NMNAT2: variants seen among roughly 807,000 people sequenced by gnomAD.
NMNAT2 encodes the protein nicotinamide/nicotinic acid mononucleotide adenylyltransferase 2.
In NMNAT2, 11 loss-of-function variants were observed where a neutral mutation model predicts 41.6. The ratio of observed to expected loss-of-function variants is 0.26; its 90% CI spans 0.17 to 0.44. The LOEUF (loss-of-function observed/expected upper bound fraction) is 0.44, where lower values mean the gene tolerates loss of function less well. NMNAT2 is among the 20% of genes least tolerant of loss of function. The pLI is 1.00. For synonymous variants in NMNAT2, 148 were observed against 151.2 expected, an observed-to-expected ratio of 0.98 and a Z score of 0.16; for missense variants, 288 against 407.7, an observed-to-expected ratio of 0.71 and a Z score of 2.53.
At chr1:183,385,366 G>A (rs776757492) in intron 1 of NMNAT2, among the ~76,000 whole-genome samples, 1 of 152,104 alleles carries the variant, frequency 6.6e-6, no homozygotes, top group Non-Finnish European at 1.5e-5. Flanking sequence ...AGAAATTTCT[G>A]GAAAAATATT....
intron 10 of NMNAT2, among the ~76,000 whole-genome samples, chr1:183,255,463 T>C (rs1305152545): frequency 7.9e-5 from 12 of 152,178 alleles, no homozygotes; most frequent in Admixed American, 7.9e-4. Flanking sequence ...AATGCTGCCA[T>C]TGGGATTTTG....
chr1:183,367,114 T>G (rs995731550), intron 1 of NMNAT2, among the ~76,000 whole-genome samples: 1 of 152,232 alleles, frequency 6.6e-6, no homozygotes, highest in Non-Finnish European at 1.5e-5. Context: ...TTTTCATATT[T>G]CCACATCCTA....
intron 8 of NMNAT2, among the ~76,000 whole-genome samples, chr1:183,277,285 C>T (rs1440351853): frequency 1.3e-5 from 2 of 152,024 alleles, no homozygotes; most frequent in Non-Finnish European, 2.9e-5. Flanking sequence ...GGGTTCGAGA[C>T]CAGCCTGGTC....
chr1:183,263,664 C>T (rs1157365399), intron 8 of NMNAT2, among the ~76,000 whole-genome samples: 1 of 152,100 alleles, frequency 6.6e-6, no homozygotes, highest in Admixed American at 6.6e-5. Context: ...AAAAATTAGC[C>T]GGGCGTGGTG....
intron 1 of NMNAT2, among the ~76,000 whole-genome samples, chr1:183,406,448 G>A (rs139223627): frequency 1.2e-3 from 190 of 152,250 alleles, no homozygotes; most frequent in African/African-American, 4.4e-3. Context: ...CTGTCAGCTC[G>A]ATAGAAAGGA....
At chr1:183,329,315 G>C (rs1662531125) in intron 1 of NMNAT2, among the ~76,000 whole-genome samples, 2 of 152,134 alleles carry the variant, frequency 1.3e-5, no homozygotes, top group African/African-American at 4.8e-5. Context: ...TTTCAGAAAT[G>C]CTCAGCATGA....
rs983420727 is a variant in NMNAT2, at chr1:183,360,735, G to A, written c.85+57448C>T. 3.9e-5 allele frequency among the ~76,000 whole-genome samples: 6 copies of A among 152,260 alleles called. No individual in the cohort carries two copies. The East Asian group carries it at 1.2e-3, about 29-fold the overall frequency. ...GTGTGCCTCTCACTGCAAAGACTCC[G>A]GACCGGAGGTTGCATATAGTAGGCT... On this transcript the variant is annotated intron_variant, in intron 1 of 10. Coordinates refer to ENST00000287713, the MANE Select transcript of NMNAT2 (RefSeq NM_015039.4).
intron 8 of NMNAT2, among the ~76,000 whole-genome samples, chr1:183,265,867 T>C (rs1326270067): frequency 2.0e-5 from 3 of 152,226 alleles, no homozygotes; most frequent in Non-Finnish European, 4.4e-5. Context: ...TCCTGGGTTA[T>C]CTGGGCAGGC....
intron 4 of NMNAT2, among the ~76,000 whole-genome samples, chr1:183,287,692 G>A (rs560402520): frequency 2.0e-4 from 31 of 152,144 alleles, no homozygotes; most frequent in Non-Finnish European, 2.9e-5. Flanking sequence ...AGGTTCACAG[G>A]GGCCACTGCT....
At chr1:183,291,459 G>A (rs545107667) in intron 3 of NMNAT2, among the ~76,000 whole-genome samples, 1 of 152,138 alleles carries the variant, frequency 6.6e-6, no homozygotes, top group Non-Finnish European at 1.5e-5. Context: ...GGATCCCAGT[G>A]TCAGGCGCCC....
intron 1 of NMNAT2, among the ~76,000 whole-genome samples, chr1:183,358,219 A>C (rs999840050): frequency 6.6e-6 from 1 of 152,174 alleles, no homozygotes; most frequent in Admixed American, 6.5e-5. Flanking sequence ...GCTAAATTAT[A>C]AGAATGCATG....
Position 183,362,865 on chromosome 1 carries a change from A to G in NMNAT2, c.85+55318T>C, listed in dbSNP as rs190783085. On this transcript the variant is annotated intron_variant, in intron 1 of 10. Coordinates refer to ENST00000287713, the MANE Select transcript of NMNAT2 (RefSeq NM_015039.4). ...GATTATTTTCCAAGGCAGCTGTACC[A>G]TTTTATATTCCAATCAACAATTGTA... 3.1e-3 allele frequency among the ~76,000 whole-genome samples: 466 copies of G among 152,282 alleles called. 11 individuals are homozygous for G. The highest frequency in any genetic ancestry group is 0.028 in the Admixed American group (423 of 15,292).
chr1:183,388,531 C>A (rs1051648821), intron 1 of NMNAT2, among the ~76,000 whole-genome samples: 1 of 152,198 alleles, frequency 6.6e-6, no homozygotes, highest in South Asian at 2.1e-4. Context: ...GTTCAGTTCA[C>A]CTGCTACAAT....
At chr1:183,355,013 C>A (rs1663151428) in intron 1 of NMNAT2, among the ~76,000 whole-genome samples, 1 of 152,186 alleles carries the variant, frequency 6.6e-6, no homozygotes, top group South Asian at 2.1e-4. Context: ...TTGGGTTAGA[C>A]CCATGGTCCT....
chr1:183,329,990 C>A (rs1483465645), intron 1 of NMNAT2, among the ~76,000 whole-genome samples: 2 of 152,182 alleles, frequency 1.3e-5, no homozygotes, highest in East Asian at 3.8e-4. Context: ...CTCTTCCCCG[C>A]AAAACCGGGA....
chr1:183,321,723 G>T (rs1662359309), intron 1 of NMNAT2, among the ~76,000 whole-genome samples: 1 of 151,052 alleles, frequency 6.6e-6, no homozygotes, highest in Non-Finnish European at 1.5e-5. Context: ...AACAGAGTGA[G>T]ACTCCATCTC....
intron 1 of NMNAT2, among the ~76,000 whole-genome samples, chr1:183,320,653 T>C (rs1483680527): frequency 1.3e-5 from 2 of 152,210 alleles, no homozygotes; most frequent in East Asian, 3.8e-4. Flanking sequence ...CTGACAGTTG[T>C]TTCTCTGAGT....
chr1:183,280,078 T>C (rs1017977383), intron 7 of NMNAT2, among the ~76,000 whole-genome samples: 1 of 152,218 alleles, frequency 6.6e-6, no homozygotes, highest in Non-Finnish European at 1.5e-5. Context: ...GGAGAATGTT[T>C]GCCTGAGTCA....
intron 1 of NMNAT2, among the ~76,000 whole-genome samples, chr1:183,356,904 T>C (rs192961368): frequency 1.3e-5 from 2 of 152,226 alleles, no homozygotes; most frequent in South Asian, 2.1e-4. Context: ...TTAACTTTTG[T>C]TGTGGCTGCA....
Sources: allele counts gnomAD v4.1 joint callset (sites outside exome capture counted in the v4.1 genomes callset), GRCh38; gene constraint gnomAD v4.1.1; transcripts MANE v1.5; gene names NCBI Gene and HGNC (gene_info 2026-07-23, HGNC 2026-07-21).